CDH23: variants seen among roughly 807,000 people sequenced by gnomAD.
CDH23 encodes the protein cadherin related 23.
In CDH23, 189 loss-of-function variants were observed where a neutral mutation model predicts 317.1. The observed-to-expected ratio is 0.60, with a 90% confidence interval of 0.53 to 0.67. CDH23 has a LOEUF of 0.67. CDH23 is among the 30% of genes least tolerant of loss of function. The pLI is 0.00. For missense variants in CDH23, 4,401 were observed against 4,592.4 expected, an observed-to-expected ratio of 0.96 and a Z score of 1.20; for synonymous variants, 1,839 against 1,876.8, an observed-to-expected ratio of 0.98 and a Z score of 0.52.
At chr10:71,422,059 A>G (rs1848844073) in intron 1 of CDH23, among the ~76,000 whole-genome samples, 1 of 152,260 alleles carries the variant, frequency 6.6e-6, no homozygotes, top group Non-Finnish European at 1.5e-5. Context: ...GCTATAAAGC[A>G]CAACAGTTAG....
chr10:71,617,160 G>C, intron 10 of CDH23, 45 bp from the exon 11 acceptor site: 1 of 1,578,344 alleles, frequency 6.3e-7, no homozygotes, highest in South Asian at 1.2e-5. Context: ...AGCTGTTGCT[G>C]TGATTAGCTG....
chr10:71,803,259 C>G lies in CDH23; in HGVS notation c.7711C>G (p.Leu2571Val). The G allele has an allele frequency of 1.3e-6, 2 of 1,596,674 alleles. No individual in the cohort carries two copies. Among genetic ancestry groups the G allele is most frequent in the South Asian group, 2.3e-5 (2 of 88,658 alleles). ...GGGCTTGGTGACCACACAGCGGCCA[C>G]TGCAGTCCTACGAGAAGTTCAGTCT... is the stretch of plus-strand genomic sequence containing the variant. Reference protein sequence around the residue: ...DSGLVTTQRPLQSYEKFSLTV... With the variant: ...DSGLVTTQRPVQSYEKFSLTV... Residue 2571 changes from leucine to valine, a missense_variant, in exon 55 of 70, where the codon CTG becomes GTG. Coordinates refer to ENST00000224721, the MANE Select transcript of CDH23 (RefSeq NM_022124.6).
intron 1 of CDH23, among the ~76,000 whole-genome samples, chr10:71,403,408 TCTTCC>T (rs1847918737): frequency 1.4e-4 from 8 of 57,108 alleles, no homozygotes; most frequent in Admixed American, 4.1e-4. Context: ...TCTTTCTTTC[TCTTCC>T]TTCCTTCCTT....
chr10:71,456,227 C>T (rs80104716), intron 3 of CDH23, among the ~76,000 whole-genome samples: 14 of 150,660 alleles, frequency 9.3e-5, no homozygotes, highest in East Asian at 3.9e-4. Flanking sequence ...TCCAGGTGAT[C>T]GGTGCTGGAA....
chr10:71,560,128 A>G (rs1857057307), intron 6 of CDH23, among the ~76,000 whole-genome samples: 3 of 152,142 alleles, frequency 2.0e-5, no homozygotes, highest in African/African-American at 7.2e-5. Context: ...CTGGAATGCC[A>G]CAAACCCCCA....
intron 9 of CDH23, among the ~76,000 whole-genome samples, chr10:71,580,591 T>C (rs959390517): frequency 1.3e-5 from 2 of 152,204 alleles, no homozygotes; most frequent in African/African-American, 2.4e-5. Context: ...CAGTATTCAA[T>C]TGGCAGAGTC....
At chr10:71,716,035 G>A in intron 28 of CDH23, 2 of 1,508,066 alleles carry the variant, frequency 1.3e-6, no homozygotes. Flanking sequence ...GGCGGAAGCT[G>A]TGCAGGGAGA....
At chr10:71,422,825 A>T (rs965302261) in intron 1 of CDH23, among the ~76,000 whole-genome samples, 5 of 152,162 alleles carry the variant, frequency 3.3e-5, no homozygotes, top group Non-Finnish European at 7.3e-5. Flanking sequence ...GGGAAAGTTG[A>T]GGCCCAGAGA....
At chr10:71,417,255 T>C (rs1336180358) in intron 1 of CDH23, among the ~76,000 whole-genome samples, 1 of 152,108 alleles carries the variant, frequency 6.6e-6, no homozygotes, top group Non-Finnish European at 1.5e-5. Flanking sequence ...TTTTGTATTT[T>C]TAGTAGAGAC....
At chr10:71,443,252 AG>A (rs1227155027) in intron 2 of CDH23, among the ~76,000 whole-genome samples, 1 of 152,122 alleles carries the variant, frequency 6.6e-6, no homozygotes, top group Non-Finnish European at 1.5e-5. Context: ...ATGCCCTCAG[AG>A]GAACCCCCAC....
In CDH23 at chr10:71,790,270, C is replaced by A. The variant is rs1278078316; in HGVS notation, c.5924-18C>A. 2 of 1,613,176 alleles carry A rather than the reference C, an allele frequency of 1.2e-6. No individual in the cohort carries two copies. Among genetic ancestry groups the A allele is most frequent in the South Asian group, 2.2e-5 (2 of 90,998 alleles). ...GGGCTGGGTTGGTCTTGTGGTGACCCCTCTCCTTCTGGCCCAGGCACCCCT... is the reference window on the plus strand; with the variant it reads ...GGGCTGGGTTGGTCTTGTGGTGACCACTCTCCTTCTGGCCCAGGCACCCCT... On this transcript the variant is annotated intron_variant, in intron 45 of 69. Transcript: ENST00000224721.
chr10:71,496,824 G>GGGTGGCAGCCTCGTA (rs368531457), intron 3 of CDH23, among the ~76,000 whole-genome samples: 1 of 124,342 alleles, frequency 8.0e-6, no homozygotes, highest in Admixed American at 7.6e-5. Context: ...TATGTGGTCT[G>GGGTGGCAGCCTCGTA]GTGTACAGAT....
chr10:71,487,300 T>C (rs1464717702), intron 3 of CDH23, among the ~76,000 whole-genome samples: 1 of 152,192 alleles, frequency 6.6e-6, no homozygotes, highest in Non-Finnish European at 1.5e-5. Flanking sequence ...CCTTGAGCAA[T>C]GTGGGGGTTA....
chr10:71,622,819 G>T, intron 11 of CDH23: 1 of 399,592 alleles, frequency 2.5e-6, no homozygotes, highest in Non-Finnish European at 3.4e-6. Context: ...AGAGGAGAGG[G>T]ATCGGGGTAG....
intron 6 of CDH23, among the ~76,000 whole-genome samples, chr10:71,530,197 A>C (rs1355515501): frequency 6.6e-6 from 1 of 152,186 alleles, no homozygotes; most frequent in Non-Finnish European, 1.5e-5. Flanking sequence ...GCCACAGCTT[A>C]TCTCTGTCAG....
intron 38 of CDH23, chr10:71,748,165 T>A (rs1417920807): frequency 6.6e-6 from 1 of 151,230 alleles, no homozygotes; most frequent in Non-Finnish European, 1.5e-5. Flanking sequence ...TGCTCGGTGG[T>A]GGCAGGACCC....
At chr10:71,497,361 C>T (rs1224304662) in intron 3 of CDH23, among the ~76,000 whole-genome samples, 1 of 152,158 alleles carries the variant, frequency 6.6e-6, no homozygotes, top group African/African-American at 2.4e-5. Context: ...CTGGTAACTA[C>T]CTCTTGGCTC....
At chr10:71,651,139 A>G (rs1325768267) in intron 14 of CDH23, among the ~76,000 whole-genome samples, 2 of 152,158 alleles carry the variant, frequency 1.3e-5, no homozygotes, top group East Asian at 1.9e-4. Context: ...GCGAACCTCT[A>G]ATAGGGTACC....
At position 71,793,384 on chromosome 10, in the gene CDH23, T is replaced by A; in HGVS notation, c.6456T>A (p.Val2152=). 3.7e-6 allele frequency: 6 copies of A among 1,613,900 alleles called. No homozygotes were observed. The highest frequency in any genetic ancestry group is 5.1e-6 in the Non-Finnish European group (6 of 1,179,862). ...LTVVATDRGT[V]PLSGTAIVTI... ...TGGTGGCCACCGACCGGGGCACCGTTCCTCTCTCGGGCACAGCCATTGTCA... is the reference window on the plus strand; with the variant it reads ...TGGTGGCCACCGACCGGGGCACCGTACCTCTCTCGGGCACAGCCATTGTCA... Residue 2152 remains valine, a synonymous_variant, in exon 48 of 70, where the codon GTT becomes GTA. Coordinates refer to ENST00000224721, the MANE Select transcript of CDH23 (RefSeq NM_022124.6).
Sources: allele counts gnomAD v4.1 joint callset (sites outside exome capture counted in the v4.1 genomes callset), GRCh38; gene constraint gnomAD v4.1.1; transcripts MANE v1.5; gene names NCBI Gene and HGNC (gene_info 2026-07-23, HGNC 2026-07-21).